CAMKMT: variants seen among roughly 807,000 people sequenced by gnomAD.
The protein encoded by CAMKMT is calmodulin-lysine N-methyltransferase, also known as CaM KMT.
A neutral mutation model predicts 48.0 loss-of-function variants in CAMKMT; 53 were observed. That is an observed-to-expected ratio of 1.10 (90% CI 0.89 to 1.39). The LOEUF (loss-of-function observed/expected upper bound fraction) is 1.39. Among genes scored for constraint, CAMKMT ranks in the 40% most tolerant of loss-of-function variants. The pLI is 0.00. For synonymous variants in CAMKMT, 165 were observed against 152.3 expected (o/e 1.08, Z -0.61); for missense variants, 428 against 402.7 (o/e 1.06, Z -0.54).
At chr2:44,451,098 T>G (rs1424385050) in intron 3 of CAMKMT, among the ~76,000 whole-genome samples, 1 of 152,104 alleles carries the variant, frequency 6.6e-6, no homozygotes, top group African/African-American at 2.4e-5. Context: ...TAATTTCCCA[T>G]GTAAATAAAA....
chr2:44,389,543 A>G (rs1645621876), intron 2 of CAMKMT, among the ~76,000 whole-genome samples: 1 of 152,198 alleles, frequency 6.6e-6, no homozygotes, highest in East Asian at 1.9e-4. Flanking sequence ...AGGATTGTAG[A>G]TGGATTAGCA....
chr2:44,625,666 A>G (rs1672441366), intron 3 of CAMKMT, among the ~76,000 whole-genome samples: 2 of 152,126 alleles, frequency 1.3e-5, no homozygotes, highest in African/African-American at 4.8e-5. Flanking sequence ...GGAATGTGAT[A>G]TATTTGAATA....
intron 3 of CAMKMT, among the ~76,000 whole-genome samples, chr2:44,404,085 C>T (rs964038819): frequency 1.1e-4 from 17 of 152,124 alleles, no homozygotes; most frequent in Admixed American, 3.9e-4. Flanking sequence ...ACTTACTAGA[C>T]TGTAAGCTTC....
At chr2:44,597,054 CT>C (rs1371411821) in intron 3 of CAMKMT, among the ~76,000 whole-genome samples, 1 of 152,036 alleles carries the variant, frequency 6.6e-6, no homozygotes, top group Non-Finnish European at 1.5e-5. Context: ...TAAAGTCACC[CT>C]AGAAGTTGAT....
intron 7 of CAMKMT, among the ~76,000 whole-genome samples, chr2:44,728,982 A>G (rs553384368): frequency 6.8e-6 from 1 of 146,084 alleles, no homozygotes; most frequent in Non-Finnish European, 1.5e-5. Flanking sequence ...CGTGTGGTTT[A>G]CTGTGTCTTA....
At chr2:44,438,771 C>A (rs1044525777) in intron 3 of CAMKMT, among the ~76,000 whole-genome samples, 2 of 152,066 alleles carry the variant, frequency 1.3e-5, no homozygotes, top group Non-Finnish European at 1.5e-5. Flanking sequence ...AATCACGGCT[C>A]GCTGCAGCCT....
intron 7 of CAMKMT, among the ~76,000 whole-genome samples, chr2:44,719,881 G>T (rs1022783656): frequency 3.3e-5 from 5 of 152,200 alleles, no homozygotes; most frequent in Non-Finnish European, 7.4e-5. Flanking sequence ...CTCTCTTTAA[G>T]AAATTTTCTG....
intron 3 of CAMKMT, among the ~76,000 whole-genome samples, chr2:44,431,138 TGA>T (rs997314413): frequency 1.2e-4 from 19 of 152,318 alleles, no homozygotes; most frequent in African/African-American, 4.3e-4. Context: ...TTCTTTTTAA[TGA>T]GAGATATTTT....
At chr2:44,729,446 G>C (rs1011193186) in intron 7 of CAMKMT, among the ~76,000 whole-genome samples, 2 of 152,182 alleles carry the variant, frequency 1.3e-5, no homozygotes, top group South Asian at 4.1e-4. Flanking sequence ...GATGGCTCAG[G>C]GTGGTACGGT....
chr2:44,680,576 G>A (rs1675959523), intron 3 of CAMKMT, among the ~76,000 whole-genome samples: 4 of 152,168 alleles, frequency 2.6e-5, no homozygotes, highest in Admixed American at 2.0e-4. Flanking sequence ...AATTCACTTA[G>A]GCTGAGAGGT....
At chr2:44,707,493 T>C in intron 6 of CAMKMT, 31 bp downstream of exon 6, 1 of 1,583,912 alleles carries the variant, frequency 6.3e-7, no homozygotes, top group Non-Finnish European at 8.6e-7. Flanking sequence ...AACGGGTTTG[T>C]TGTGCTCATT....
At chr2:44,395,118 T>C in intron 3 of CAMKMT, 1 of 364,282 alleles carries the variant, frequency 2.7e-6, no homozygotes, top group Non-Finnish European at 5.4e-6. Flanking sequence ...ATGGTCTAAA[T>C]TTTTAGTTTT....
At chr2:44,435,044 A>G (rs1067358) in intron 3 of CAMKMT, among the ~76,000 whole-genome samples, 118,772 of 152,032 alleles carry the variant, frequency 0.78, 46,890 homozygotes, top group African/African-American at 0.9. Flanking sequence ...TTTGAACAAC[A>G]GTACACCATC....
intron 8 of CAMKMT, 40 bp downstream of exon 8, chr2:44,743,736 A>C (rs1281752415): frequency 6.5e-7 from 1 of 1,536,494 alleles, no homozygotes; most frequent in South Asian, 1.1e-5. Flanking sequence ...TTAGAAAAAA[A>C]TAGCTTTGCT....
chr2:44,562,776 G>T (rs1175657935), intron 3 of CAMKMT, among the ~76,000 whole-genome samples: 1 of 152,134 alleles, frequency 6.6e-6, no homozygotes, highest in African/African-American at 2.4e-5. Flanking sequence ...GGCCAGGCTG[G>T]TCTCAAACTC....
intron 3 of CAMKMT, among the ~76,000 whole-genome samples, chr2:44,648,754 G>A (rs1371327095): frequency 3.3e-5 from 5 of 152,162 alleles, no homozygotes; most frequent in African/African-American, 1.2e-4. Flanking sequence ...TGAGAGCAGT[G>A]ATATCTTCAA....
chr2:44,452,234 G>A (rs1232207351), intron 3 of CAMKMT, among the ~76,000 whole-genome samples: 4 of 151,960 alleles, frequency 2.6e-5, no homozygotes, highest in African/African-American at 7.2e-5. Context: ...ATGTGGGTGT[G>A]TATTCTTTAA....
rs141373144 is a variant in CAMKMT at position 44,365,107 on chromosome 2, A to G, written c.138+2962A>G. Among the ~76,000 whole-genome samples the G allele has an allele frequency of 1.3e-3, 201 of 152,358 alleles. 1 individual carries two copies. The highest frequency in any genetic ancestry group is 4.7e-3 in the African/African-American group (194 of 41,580). ...AATGAATGAACCATTCCTATCCTAT[A>G]TGCATCTAGTACTGGAAAACTATAA... On this transcript the variant is annotated intron_variant, in intron 1 of 10. Transcript: ENST00000378494.
rs542516242 is a variant in CAMKMT, at chr2:44,362,097, C to G, written c.90C>G (p.Pro30=). Residue 30 remains proline, a synonymous_variant, in exon 1 of 11, where the codon CCC becomes CCG. Transcript: ENST00000378494. Reference sequence around the variant, plus strand: ...CAGTTGGCTGCACCACTCGGGGGCCCGTAGTCTCGGCGCCCCTGGGAGCCG... The same window carrying G: ...CAGTTGGCTGCACCACTCGGGGGCCGGTAGTCTCGGCGCCCCTGGGAGCCG... ...SPAVGCTTRG[P]VVSAPLGAAR... 3 of 1,465,284 alleles carry G rather than the reference C, an allele frequency of 2.0e-6. No homozygotes were observed. In the East Asian group the frequency reaches 8.8e-5, roughly 43 times the overall value. The allele number at this position is 1,465,284 out of a possible 1,614,324, so 90.8% of individuals were successfully genotyped here.
Sources: allele counts gnomAD v4.1 joint callset (sites outside exome capture counted in the v4.1 genomes callset), GRCh38; gene constraint gnomAD v4.1.1; transcripts MANE v1.5; gene names NCBI Gene and HGNC (gene_info 2026-07-23, HGNC 2026-07-21).